TMOD3: variants seen among roughly 807,000 people sequenced by gnomAD.
TMOD3 encodes tropomodulin-3.
TMOD3 carries 20 observed loss-of-function variants against 39.2 expected under a neutral mutation model. The observed-to-expected ratio is 0.51, with a 90% CI of 0.36 to 0.74. TMOD3 has a LOEUF of 0.74. Ranked by LOEUF, TMOD3 falls within the 30% of genes least tolerant of loss-of-function variation. The pLI is 0.00. For missense variants in TMOD3, 381 were observed against 412.8 expected (o/e 0.92, Z 0.67); for synonymous variants, 143 against 145.8 (o/e 0.98, Z 0.14).
At chr15:51,877,092 C>T (rs2056508383) in intron 3 of TMOD3, among the ~76,000 whole-genome samples, 1 of 152,028 alleles carries the variant, frequency 6.6e-6, no homozygotes, top group Admixed American at 6.6e-5. Context: ...TCTTCTATGC[C>T]TCTACTTCAC....
chr15:51,871,283 CA>C (rs1389542687), intron 3 of TMOD3, among the ~76,000 whole-genome samples: 5 of 151,998 alleles, frequency 3.3e-5, no homozygotes, highest in Admixed American at 2.0e-4. Context: ...TTTTATTTGT[CA>C]AAGAAAACTA....
chr15:51,907,931 G>A (rs2056690603), intron 9 of TMOD3, among the ~76,000 whole-genome samples: 1 of 152,230 alleles, frequency 6.6e-6, no homozygotes, highest in Admixed American at 6.5e-5. Flanking sequence ...CACTTAGGCA[G>A]CCAAAGTTTA....
chr15:51,879,856 T>TTACACACACACA (rs3985813), intron 3 of TMOD3, among the ~76,000 whole-genome samples: 5 of 142,558 alleles, frequency 3.5e-5, no homozygotes, highest in Non-Finnish European at 7.6e-5. Flanking sequence ...TCTCTGTCTT[T>TTACACACACACA]CACACACACA....
rs1002821499 is a variant in TMOD3, at chr15:51,906,960, C to T, written c.1025-1816C>T. On this transcript the variant is annotated intron_variant, in intron 9 of 9. Coordinates refer to ENST00000308580, the MANE Select transcript of TMOD3 (RefSeq NM_014547.5). ...GCTTGAACCTGGGTGGTAGAGGTTG[C>T]GGTGAGCCGAGATCGCGCCATTGCA... Among the ~76,000 whole-genome samples, 5 of 145,058 alleles carry T rather than the reference C, an allele frequency of 3.4e-5. No individual in the cohort carries two copies. The South Asian group carries it at 6.5e-4, about 19-fold the overall frequency.
intron 9 of TMOD3, among the ~76,000 whole-genome samples, chr15:51,903,117 G>A (rs565940611): frequency 9.8e-5 from 15 of 152,306 alleles, no homozygotes; most frequent in Admixed American, 8.5e-4. Flanking sequence ...GTATGTAGGT[G>A]TTTGCTCGTC....
Position 51,887,642 on chromosome 15 carries a change from G to A in TMOD3, c.337G>A (p.Val113Met). 1.2e-6 allele frequency: 2 copies of A among 1,613,966 alleles called. No individual in the cohort carries two copies. Among genetic ancestry groups the A allele is most frequent in the South Asian group, 2.2e-5 (2 of 91,052 alleles). ...TGTACAGACTTTTACAGAAGAAAAAGTGTCTCTTGATCCAGAATTAGAAGA... is the reference window on the plus strand; with the variant it reads ...TGTACAGACTTTTACAGAAGAAAAAATGTCTCTTGATCCAGAATTAGAAGA... ...KPVQTFTEEK[V>M]SLDPELEEAL... is the part of the protein sequence containing the mutation. The change falls in exon 4 of 10, where the codon GTG (valine) becomes ATG (methionine). Residue 113 changes from valine to methionine, a missense_variant. Transcript: ENST00000308580.
chr15:51,856,064 A>G (rs2056386187), intron 1 of TMOD3, among the ~76,000 whole-genome samples: 1 of 152,192 alleles, frequency 6.6e-6, no homozygotes, highest in African/African-American at 2.4e-5. Flanking sequence ...GGAGTTTAAG[A>G]CCAGCCTGGG....
At chr15:51,880,407 T>G (rs2056526905) in intron 3 of TMOD3, among the ~76,000 whole-genome samples, 1 of 152,128 alleles carries the variant, frequency 6.6e-6, no homozygotes, top group South Asian at 2.1e-4. Flanking sequence ...ATTGATAGAA[T>G]TATGCAACCA....
intron 7 of TMOD3, among the ~76,000 whole-genome samples, chr15:51,896,852 A>G (rs1231752683): frequency 1.3e-5 from 2 of 152,202 alleles, no homozygotes; most frequent in East Asian, 3.8e-4. Context: ...GATCTACCAC[A>G]TTATTTTAAC....
intron 1 of TMOD3, among the ~76,000 whole-genome samples, chr15:51,856,253 A>T (rs2056387225): frequency 6.6e-6 from 1 of 152,174 alleles, no homozygotes; most frequent in Admixed American, 6.5e-5. Flanking sequence ...ACAGAATGAG[A>T]CCTTGTCTTA....
In TMOD3 at chr15:51,866,480, G is replaced by GA. The variant is rs200419486; in HGVS notation, c.127-2729dup. Among the ~76,000 whole-genome samples the GA allele has an allele frequency of 4.1e-4, 62 of 149,582 alleles. 2 individuals carry two copies. Among genetic ancestry groups the GA allele is most frequent in the African/African-American group, 1.4e-3 (56 of 40,620 alleles). On this transcript the variant is annotated intron_variant, in intron 2 of 9. Transcript: ENST00000308580. ...CTCCCCCCTACCCAAAAAAAAGAAAGAAAAAAAAGGCTTTCTAAGGAGCCA... is the reference window on the plus strand; with the variant it reads ...CTCCCCCCTACCCAAAAAAAAGAAAGAAAAAAAAAGGCTTTCTAAGGAGCCA...
At chr15:51,891,351 T>C (rs1037570798) in intron 5 of TMOD3, among the ~76,000 whole-genome samples, 1 of 152,130 alleles carries the variant, frequency 6.6e-6, no homozygotes, top group Non-Finnish European at 1.5e-5. Flanking sequence ...ATGGTATCAT[T>C]TTATGTTTTT....
chr15:51,874,403 C>T (rs1349850649), intron 3 of TMOD3, among the ~76,000 whole-genome samples: 1 of 152,084 alleles, frequency 6.6e-6, no homozygotes, highest in Non-Finnish European at 1.5e-5. Flanking sequence ...AGTATTTTGT[C>T]CTATACTGGT....
At chr15:51,832,925 C>T (rs773943394) in intron 1 of TMOD3, among the ~76,000 whole-genome samples, 1 of 152,168 alleles carries the variant, frequency 6.6e-6, no homozygotes, top group Admixed American at 6.5e-5. Context: ...TGAGCTCTCT[C>T]GATTAGAGTA....
chr15:51,885,539 T>C (rs2056556544), intron 3 of TMOD3, among the ~76,000 whole-genome samples: 2 of 152,222 alleles, frequency 1.3e-5, no homozygotes, highest in South Asian at 4.1e-4. Context: ...AAGCACATCT[T>C]GCACCGCCCT....
intron 3 of TMOD3, 49 bp from the exon 4 acceptor site, chr15:51,887,540 T>C (rs1420964479): frequency 1.9e-6 from 3 of 1,576,518 alleles, no homozygotes; most frequent in African/African-American, 1.4e-5. Flanking sequence ...AAAATGGTAA[T>C]GAGTTGATAG....
intron 1 of TMOD3, 145 bp from the exon 2 acceptor site, chr15:51,862,666 A>G: frequency 3.7e-6 from 1 of 270,190 alleles, no homozygotes; most frequent in East Asian, 6.6e-5. Context: ...AAGGCATTGA[A>G]TGATTCATAA....
At chr15:51,876,329 TG>T (rs938537525) in intron 3 of TMOD3, among the ~76,000 whole-genome samples, 1 of 152,112 alleles carries the variant, frequency 6.6e-6, no homozygotes, top group African/African-American at 2.4e-5. Flanking sequence ...CTACCACACC[TG>T]GCTAATTTTT....
In TMOD3 at chr15:51,840,104, A is replaced by C. The variant is rs1412871609; in HGVS notation, c.-75+10268A>C. Among the ~76,000 whole-genome samples the C allele has an allele frequency of 2.6e-5, 4 of 152,192 alleles. No individual in the cohort carries two copies. The East Asian group carries it at 7.7e-4, about 29-fold the overall frequency. On this transcript the variant is annotated intron_variant, in intron 1 of 9. Coordinates refer to ENST00000308580, the MANE Select transcript of TMOD3 (RefSeq NM_014547.5). ...AGTGCTCACAATCTATGGTGGAAAT[A>C]GATTGTGGTCTCTCTGTCAGAGACA...
Sources: gnomAD v4.1 joint callset for allele counts (sites outside exome capture counted in the v4.1 genomes callset) on GRCh38, gnomAD v4.1.1 for gene constraint, MANE v1.5 for transcripts, NCBI Gene and HGNC (gene_info 2026-07-23, HGNC 2026-07-21) for gene names.